RAVER2: variants seen among roughly 807,000 people sequenced by gnomAD.
RAVER2 encodes ribonucleoprotein, PTB binding 2.
A neutral mutation model predicts 78.1 loss-of-function variants in RAVER2; 46 were observed. That is an observed-to-expected ratio of 0.59 (90% CI 0.46 to 0.75). The LOEUF (loss-of-function observed/expected upper bound fraction) is 0.75. Among genes scored for constraint, RAVER2 ranks in the 30% least tolerant of loss-of-function variants. The probability of loss-of-function intolerance (pLI) is 0.00; values close to 1 mark genes in which losing one functional copy is unlikely to be tolerated. For missense variants in RAVER2, 793 were observed against 837.5 expected (o/e 0.95, Z 0.66); for synonymous variants, 311 against 313.3 (o/e 0.99, Z 0.08).
intron 10 of RAVER2, among the ~76,000 whole-genome samples, chr1:64,813,618 G>C (rs1390009551): frequency 6.6e-6 from 1 of 151,904 alleles, no homozygotes; most frequent in East Asian, 1.9e-4. Flanking sequence ...GATGAAAGAT[G>C]AATTTCATTT....
intron 1 of RAVER2, among the ~76,000 whole-genome samples, chr1:64,762,479 C>T (rs1217601201): frequency 6.7e-6 from 1 of 149,080 alleles, no homozygotes; most frequent in Non-Finnish European, 1.5e-5. Context: ...AAAAAAAAAA[C>T]TTGGAAGACT....
Position 64,788,620 on chromosome 1 carries a change from G to A in RAVER2, c.979-768G>A, listed in dbSNP as rs566049708. 9.9e-5 allele frequency among the ~76,000 whole-genome samples: 15 copies of A among 151,638 alleles called. No individual in the cohort carries two copies. The East Asian group carries it at 2.5e-3, about 25-fold the overall frequency. On this transcript the variant is annotated intron_variant, in intron 4 of 11. Transcript: ENST00000294428. ...ATCCTGGCTAACATGGTGAAACCCC[G>A]TCTCCACTAAAAATACAAAAAATTA...
At chr1:64,820,641 C>T (rs1653862836) in intron 11 of RAVER2, among the ~76,000 whole-genome samples, 1 of 152,200 alleles carries the variant, frequency 6.6e-6, no homozygotes, top group South Asian at 2.1e-4. Context: ...TTAGCTCCCA[C>T]TTACAAGTGA....
chr1:64,745,268 C>G lies in RAVER2; in HGVS notation c.96C>G (p.Gly32=). Residue 32 remains glycine, a synonymous_variant, in exon 1 of 12, where the codon GGC becomes GGG. Coordinates refer to ENST00000294428, the Ensembl canonical transcript of RAVER2. The surrounding 1 kb of genome is among the most constrained non-coding windows in gnomAD (Gnocchi z 4.3). ...CGGGGCCGGGGCTGCGCGGGCAGGG[C>G]CCCTCAGCCGAAGCGCACGAGGGCG... 7.4e-7 allele frequency: 1 copy of G among 1,355,632 alleles called. No individual in the cohort carries two copies. Among genetic ancestry groups the G allele is most frequent in the Non-Finnish European group, 9.6e-7 (1 of 1,046,838 alleles). The allele number at this position is 1,355,632 out of a possible 1,614,324, so 84.0% of individuals were successfully genotyped here. A position where few individuals can be genotyped will look rare whatever the true frequency, so the allele number is the denominator to read the frequency against.
chr1:64,783,919 TTA>T (rs1414332796), intron 4 of RAVER2, among the ~76,000 whole-genome samples: 2 of 152,236 alleles, frequency 1.3e-5, no homozygotes, highest in Non-Finnish European at 2.9e-5. Flanking sequence ...TAGGCCTCAC[TTA>T]TTGTCACCAT....
chr1:64,798,706 A>T (rs1230642133), intron 5 of RAVER2, among the ~76,000 whole-genome samples: 2 of 152,168 alleles, frequency 1.3e-5, no homozygotes, highest in African/African-American at 2.4e-5. Flanking sequence ...ACAAGAAGGG[A>T]TGTGTCTTAA....
exon 12 of RAVER2, chr1:64,831,069 C>A: frequency 1.4e-6 from 2 of 1,385,634 alleles, no homozygotes; most frequent in South Asian, 1.5e-5. Context: ...TCAAACTAGC[C>A]ATATCCTTTA....
At chr1:64,831,152 TAAG>T in exon 12 of RAVER2, 1 of 599,784 alleles carries the variant, frequency 1.7e-6, no homozygotes, top group Admixed American at 3.5e-5. Context: ...AAAATAGCAA[TAAG>T]AAGAGACATC....
chr1:64,752,301 G>A (rs1019567784), intron 1 of RAVER2, among the ~76,000 whole-genome samples: 3 of 152,144 alleles, frequency 2.0e-5, no homozygotes, highest in Non-Finnish European at 4.4e-5. Flanking sequence ...GGTGACTGTG[G>A]GTTGGCTGCT....
At chr1:64,766,631 C>T (rs1396415961) in intron 1 of RAVER2, among the ~76,000 whole-genome samples, 1 of 152,132 alleles carries the variant, frequency 6.6e-6, no homozygotes, top group Non-Finnish European at 1.5e-5. Context: ...AGGTAATTCT[C>T]TTAGCTGAAT....
intron 5 of RAVER2, among the ~76,000 whole-genome samples, chr1:64,800,899 T>G (rs1305595548): frequency 6.6e-6 from 1 of 152,098 alleles, no homozygotes; most frequent in Non-Finnish European, 1.5e-5. Context: ...CATTCTTGTC[T>G]TCTGAGGTGG....
At chr1:64,768,766 C>A in intron 2 of RAVER2, 44 bp downstream of exon 2, 1 of 1,225,134 alleles carries the variant, frequency 8.2e-7, no homozygotes, top group South Asian at 1.3e-5. Context: ...TTGATTCTCC[C>A]TGTACTCGTT....
At chr1:64,749,972 G>A (rs570617676) in intron 1 of RAVER2, among the ~76,000 whole-genome samples, 2 of 151,960 alleles carry the variant, frequency 1.3e-5, no homozygotes, top group Non-Finnish European at 2.9e-5. Flanking sequence ...CATGTGTTTT[G>A]TTTTTGTCAT....
At chr1:64,766,212 C>T (rs943483711) in intron 1 of RAVER2, among the ~76,000 whole-genome samples, 4 of 152,298 alleles carry the variant, frequency 2.6e-5, no homozygotes, top group Non-Finnish European at 4.4e-5. Flanking sequence ...AAAGTGTTTT[C>T]ATCAAAGGTG....
At chr1:64,814,410 T>C (rs986376159) in intron 10 of RAVER2, among the ~76,000 whole-genome samples, 6 of 152,060 alleles carry the variant, frequency 3.9e-5, no homozygotes, top group Non-Finnish European at 7.4e-5. Flanking sequence ...GCCAGACATA[T>C]ATGTTTTTGA....
At chr1:64,830,627 T>C (rs1654104246) in intron 11 of RAVER2, among the ~76,000 whole-genome samples, 1 of 152,178 alleles carries the variant, frequency 6.6e-6, no homozygotes, top group Non-Finnish European at 1.5e-5. Context: ...CTGAGACTGG[T>C]TTGTGTCTTG....
chr1:64,755,658 C>G lies in RAVER2; in HGVS notation c.249+10237C>G, dbSNP rs186751487. 1.6e-3 allele frequency among the ~76,000 whole-genome samples: 236 copies of G among 150,826 alleles called. 4 individuals are homozygous for G. In the South Asian group the frequency reaches 0.037, roughly 23 times the overall value. ...CCTGGACTTTGGATATTCTATTACCCTACCAGTTTAACTACTTGCTTTCGA... is the reference window on the plus strand; with the variant it reads ...CCTGGACTTTGGATATTCTATTACCGTACCAGTTTAACTACTTGCTTTCGA... On this transcript the variant is annotated intron_variant, in intron 1 of 11. Transcript: ENST00000294428.
exon 12 of RAVER2, chr1:64,831,024 AG>A (rs757702975): frequency 2.3e-5 from 37 of 1,589,244 alleles, no homozygotes; most frequent in Non-Finnish European, 3.2e-5. Flanking sequence ...GGTTCTCTGC[AG>A]TATCTCTGCT....
At chr1:64,791,200 C>T (rs1411599385) in intron 5 of RAVER2, among the ~76,000 whole-genome samples, 2 of 152,188 alleles carry the variant, frequency 1.3e-5, no homozygotes, top group Non-Finnish European at 2.9e-5. Context: ...TGTCACCCTC[C>T]CAACACATCA....
Sources: allele counts gnomAD v4.1 joint callset (sites outside exome capture counted in the v4.1 genomes callset), GRCh38; gene constraint gnomAD v4.1.1; non-coding constraint Gnocchi (gnomAD v3.1); transcripts MANE v1.5; gene names NCBI Gene and HGNC (gene_info 2026-07-23, HGNC 2026-07-21).